ZAN: variants seen among roughly 807,000 people sequenced by gnomAD.
The protein encoded by ZAN is zonadhesin (gene/pseudogene).
In ZAN, 260 loss-of-function variants were observed where a neutral mutation model predicts 286.2. That is an observed-to-expected ratio of 0.91 (90% CI 0.82 to 1.01). The LOEUF (loss-of-function observed/expected upper bound fraction) is 1.01. Among genes scored for constraint, ZAN ranks in the 50% least tolerant of loss-of-function variants. The probability of loss-of-function intolerance (pLI) is 0.00; values close to 1 mark genes in which losing one functional copy is unlikely to be tolerated. For synonymous variants in ZAN, 1,368 were observed against 1,417.5 expected, an observed-to-expected ratio of 0.97 and a Z score of 0.79; for missense variants, 3,410 against 3,639.2, an observed-to-expected ratio of 0.94 and a Z score of 1.62.
chr7:100,751,208 C>G lies in ZAN; in HGVS notation c.1548C>G (p.Ser516Arg), dbSNP rs201142260. ...MQLIFKGIQG[S>R]NTASVVAMGF... ...TTATTTTCAAGGGCATCCAGGGAAG[C>G]AACACGGCCTCTGTGGTTGCTATGG... Residue 516 changes from serine (S) to arginine (R), a missense_variant, in exon 13 of 48, where the codon AGC becomes AGG. By Grantham distance (110) the Ser-to-Arg change is moderately radical. Around this residue, in one of 7 missense-constraint regions of ZAN, gnomAD observed 872 missense variants for 938.9 expected, o/e 0.93. Transcript: ENST00000613979. The G allele has an allele frequency of 2.6e-3, 4,133 of 1,609,876 alleles. 70 individuals are homozygous for G. The South Asian group carries it at 0.026, about 10-fold the overall frequency.
chr7:100,776,589 G>A lies in ZAN; in HGVS notation c.6317+25G>A, dbSNP rs779899818. On this transcript the variant is annotated intron_variant, in intron 34 of 47. Coordinates refer to ENST00000613979, the MANE Select transcript of ZAN (RefSeq NM_003386.3). ...GGTAGTGGTCCCCTAAGACCCTCTA[G>A]GTTTTCTTTCTTTTTCTTTCTTTGT... 3.3e-6 allele frequency: 5 copies of A among 1,494,942 alleles called. No homozygotes were observed. In the South Asian group the frequency reaches 6.5e-5, roughly 19 times the overall value. 92.6% of individuals were successfully genotyped at this position (1,494,942 alleles called of 1,614,324 possible). A position where few individuals can be genotyped will look rare whatever the true frequency, so the allele number is the denominator to read the frequency against.
chr7:100,758,879 T>C (rs771612317), intron 17 of ZAN, among the ~76,000 whole-genome samples: 3 of 150,738 alleles, frequency 2.0e-5, no homozygotes, highest in Non-Finnish European at 3.0e-5. Flanking sequence ...ATCCAGGAGA[T>C]TGAGACCAGC....
rs775080062 is a variant in ZAN, at chr7:100,792,126, G to A, written c.7690G>A (p.Val2564Met). The A allele has an allele frequency of 4.3e-6, 7 of 1,610,990 alleles. No homozygotes were observed. Among genetic ancestry groups the A allele is most frequent in the Non-Finnish European group, 5.9e-6 (7 of 1,179,042 alleles). The change falls in exon 41 of 48, where the codon GTG becomes ATG. Residue 2564 changes from valine (V) to methionine (M), a missense_variant. Physicochemically the swap from Val to Met is conservative, Grantham distance 21. Transcript: ENST00000613979. Reference sequence around the variant, plus strand: ...CCCCTTTGCTGCCTGTCACCAGACGGTGGCCCCAGAGCCCTTCCAAGAGTG... The same window carrying A: ...CCCCTTTGCTGCCTGTCACCAGACGATGGCCCCAGAGCCCTTCCAAGAGTG... ...QGPFAACHQT[V>M]APEPFQEHCV...
intron 7 of ZAN, among the ~76,000 whole-genome samples, chr7:100,744,008 C>T (rs930386389): frequency 2.6e-5 from 4 of 151,140 alleles, no homozygotes; most frequent in Non-Finnish European, 3.0e-5. Flanking sequence ...TGAGCTGCCA[C>T]GCCCAGCCTA....
At chr7:100,746,319 C>T (rs374669711) in intron 7 of ZAN, among the ~76,000 whole-genome samples, 3 of 152,150 alleles carry the variant, frequency 2.0e-5, no homozygotes, top group South Asian at 2.1e-4. Flanking sequence ...AGGTGTCCGC[C>T]GCTTCCCATG....
At chr7:100,768,168 C>T (rs1249720273) in intron 26 of ZAN, among the ~76,000 whole-genome samples, 157 bp downstream of exon 26, 2 of 152,044 alleles carry the variant, frequency 1.3e-5, no homozygotes, top group Non-Finnish European at 2.9e-5. Flanking sequence ...TAAGGGAAGA[C>T]GGAGATGAAG....
intron 6 of ZAN, among the ~76,000 whole-genome samples, chr7:100,737,767 T>C (rs1483638717): frequency 7.4e-6 from 1 of 135,206 alleles, no homozygotes; most frequent in Non-Finnish European, 1.6e-5. Flanking sequence ...GTCTGCCAGG[T>C]AGAGCTATTA....
chr7:100,748,854 A>C (rs1337459661), intron 11 of ZAN, among the ~76,000 whole-genome samples: 1 of 149,606 alleles, frequency 6.7e-6, no homozygotes, highest in Non-Finnish European at 1.5e-5. Context: ...CATAGTGAGA[A>C]CCCCATCTCT....
intron 38 of ZAN, 26 bp downstream of exon 38, chr7:100,788,162 G>A: frequency 6.9e-7 from 1 of 1,448,236 alleles, no homozygotes; most frequent in Middle Eastern, 1.9e-4. Context: ...GGGCCTGGTG[G>A]GTGTGGGGAG....
chr7:100,753,363 T>A, intron 14 of ZAN, 134 bp downstream of exon 14: 1 of 1,072,318 alleles, frequency 9.3e-7, no homozygotes, highest in Non-Finnish European at 1.3e-6. Context: ...AGAGGAGAGC[T>A]GAAGTAGTCC....
At position 100,763,888 on chromosome 7, in the gene ZAN, C is replaced by T. The variant is rs745652714; in HGVS notation, c.4069C>T (p.Arg1357Trp). 92 of 1,614,006 alleles carry T rather than the reference C, an allele frequency of 5.7e-5. No individual in the cohort carries two copies. Among genetic ancestry groups the T allele is most frequent in the Middle Eastern group, 1.6e-4 (1 of 6,062 alleles). The change falls in exon 21 of 48, where the codon CGG becomes TGG. Residue 1357 changes from arginine to tryptophan, a missense_variant. Arg to Trp is a moderately radical substitution (Grantham distance 101). Coordinates refer to ENST00000613979, the MANE Select transcript of ZAN (RefSeq NM_003386.3). The surrounding 1 kb of genome is among the most constrained non-coding windows in gnomAD (Gnocchi z 4.6). ...CATGTCGGGGCCAGGGTTCTGTGGACGGCTGGTCGACACTCATGGCCCATT... is the reference window on the plus strand; with the variant it reads ...CATGTCGGGGCCAGGGTTCTGTGGATGGCTGGTCGACACTCATGGCCCATT... ...SSMSGPGFCG[R>W]LVDTHGPFET...
Position 100,743,281 on chromosome 7 carries a change from C to G in ZAN, c.767-3257C>G, listed in dbSNP as rs151256345. ...CTCGTGATCCACCCACTTGGCCTCC[C>G]AAAATGCTGGGATTACAAGCGTAAG... On this transcript the variant is annotated intron_variant, in intron 7 of 47. Transcript: ENST00000613979. Among the ~76,000 whole-genome samples the G allele has an allele frequency of 3.3e-3, 508 of 152,150 alleles. 1 individual carries two copies. Among genetic ancestry groups the G allele is most frequent in the African/African-American group, 0.012 (485 of 41,530 alleles).
At position 100,769,862 on chromosome 7, in the gene ZAN, C is replaced by G. The variant is rs1321789731; in HGVS notation, c.5154-18C>G. On this transcript the variant is annotated intron_variant, in intron 27 of 47. Transcript: ENST00000613979. ...GCACCCAACCTGTAGCCCTCAGTTT[C>G]TATTCTCTCTCATTTAGCTGTTTCC... 6.4e-7 allele frequency: 1 copy of G among 1,551,446 alleles called. No homozygotes were observed. Among genetic ancestry groups the G allele is most frequent in the Non-Finnish European group, 8.7e-7 (1 of 1,146,802 alleles).
chr7:100,776,312 TGAAG>T (rs1311524192), intron 33 of ZAN, 124 bp from the exon 34 acceptor site: 12 of 1,278,524 alleles, frequency 9.4e-6, no homozygotes, highest in African/African-American at 3.7e-5. Context: ...GAGTGAAACT[TGAAG>T]GAAGGGAGGG....
rs1249631620 is a variant in ZAN, at chr7:100,751,388, GTTTTCCATC to G, written c.1606+125_1606+133del. On this transcript the variant is annotated intron_variant, in intron 13 of 47. Transcript: ENST00000613979. ...CCCGAATTCTCACCCAGCTGGCTTT[GTTTTCCATC>G]TTCAACACACCTCTCCTTCCCCTGC... 9 of 705,096 alleles carry G rather than the reference GTTTTCCATC, an allele frequency of 1.3e-5. No homozygotes were observed. In the East Asian group the frequency reaches 2.4e-4, roughly 19 times the overall value. The allele number at this position is 705,096 out of a possible 1,614,324, so 43.7% of individuals were successfully genotyped here. A position where few individuals can be genotyped will look rare whatever the true frequency, so the allele number is the denominator to read the frequency against.
Position 100,767,857 on chromosome 7 carries a change from T to A in ZAN, c.4887T>A (p.Pro1629=). The A allele has an allele frequency of 6.2e-6, 10 of 1,613,836 alleles. No individual in the cohort carries two copies. The highest frequency in any genetic ancestry group is 8.5e-6 in the Non-Finnish European group (10 of 1,179,826). Residue 1629 remains proline (P), a synonymous_variant, in exon 26 of 48, where the codon CCT becomes CCA. Coordinates refer to ENST00000613979, the MANE Select transcript of ZAN (RefSeq NM_003386.3). The part of the protein sequence containing the change: ...VMLNGHRVAL[P]VWLAQGRVTI... ...TGAATGGCCATCGGGTGGCCCTACC[T>A]GTGTGGCTTGCACAAGGCCGGGTGA...
At position 100,734,303 on chromosome 7, in the gene ZAN, G is replaced by A; in HGVS notation, c.53+82G>A. On this transcript the variant is annotated intron_variant, in intron 2 of 47. Coordinates refer to ENST00000613979, the MANE Select transcript of ZAN (RefSeq NM_003386.3). ...GAATATGGAAGGACAGAGCTGGAGG[G>A]GGCGAGCAGGCTAACTACAAAAGAT... 4.0e-6 allele frequency: 4 copies of A among 1,009,182 alleles called. 1 individual carries two copies. The highest frequency in any genetic ancestry group is 5.6e-6 in the Non-Finnish European group (4 of 709,690). The allele number at this position is 1,009,182 out of a possible 1,614,324, so 62.5% of individuals were successfully genotyped here. A position where few individuals can be genotyped will look rare whatever the true frequency, so the allele number is the denominator to read the frequency against.
In ZAN at chr7:100,768,650, C is replaced by T. The variant is rs370610364; in HGVS notation, c.5082C>T (p.Pro1694=). The part of the protein sequence containing the change: ...NNNSLDDNLR[P]DRKLAGDSMQ... Reference sequence around the variant, plus strand: ...ACAGCTTGGATGACAACCTGCGCCCCGACAGAAAGCTTGCAGGCGATTCCA... The same window carrying T: ...ACAGCTTGGATGACAACCTGCGCCCTGACAGAAAGCTTGCAGGCGATTCCA... Residue 1694 remains proline, a synonymous_variant, in exon 27 of 48, where the codon CCC becomes CCT. Transcript: ENST00000613979. The T allele has an allele frequency of 1.6e-5, 26 of 1,610,796 alleles. No individual in the cohort carries two copies. Among genetic ancestry groups the T allele is most frequent in the South Asian group, 8.9e-5 (8 of 90,392 alleles).
Position 100,789,266 on chromosome 7 carries a change from C to T in ZAN, c.7276C>T (p.Arg2426Trp), listed in dbSNP as rs372434290. The change falls in exon 39 of 48, where the codon CGG becomes TGG. Residue 2426 changes from arginine to tryptophan, a missense_variant. Physicochemically the swap from Arg to Trp is moderately radical, Grantham distance 101 (BLOSUM62 -3). This residue lies in a region of ZAN where 1,289 missense variants were observed against 1,314.3 expected (regional missense o/e 0.98). Transcript: ENST00000613979. The part of the protein sequence containing the change: ...AVPYRPNEHL[R>W]VTLWGQRLYL... ...CCCCTACAGGCCAAATGAACACCTGCGGGTCACCCTGTGGGGCCAACGGCT... is the reference window on the plus strand; with the variant it reads ...CCCCTACAGGCCAAATGAACACCTGTGGGTCACCCTGTGGGGCCAACGGCT... 3.3e-4 allele frequency: 536 copies of T among 1,613,884 alleles called. No individual in the cohort carries two copies. Among genetic ancestry groups the T allele is most frequent in the Non-Finnish European group, 4.2e-4 (495 of 1,179,850 alleles).
Sources: allele counts gnomAD v4.1 joint callset (sites outside exome capture counted in the v4.1 genomes callset), GRCh38; gene constraint gnomAD v4.1.1; regional missense constraint gnomAD v4.1.1; non-coding constraint Gnocchi (gnomAD v3.1); transcripts MANE v1.5; gene names NCBI Gene and HGNC (gene_info 2026-07-23, HGNC 2026-07-21).